The following FAM20A variants were observed in gnomAD, a reference collection of about 807,000 sequenced individuals.
FAM20A encodes FAM20A golgi associated secretory pathway pseudokinase.
In FAM20A, 42 loss-of-function variants were observed where a neutral mutation model predicts 52.0. The observed-to-expected ratio is 0.81, with a 90% CI of 0.63 to 1.04. The LOEUF (loss-of-function observed/expected upper bound fraction) is 1.04, where lower values mean the gene tolerates loss of function less well. FAM20A is among the 50% of genes least tolerant of loss of function. The probability of loss-of-function intolerance (pLI) is 0.00; values close to 1 mark genes in which losing one functional copy is unlikely to be tolerated. For synonymous variants in FAM20A, 304 were observed against 298.9 expected (o/e 1.02, Z -0.18); for missense variants, 742 against 712.7 (o/e 1.04, Z -0.47).
chr17:68,543,803 A>G, intron 4 of FAM20A, 82 bp from the exon 5 acceptor site: 1 of 1,235,946 alleles, frequency 8.1e-7, no homozygotes, highest in Non-Finnish European at 1.2e-6. Context: ...ATGACCAGCG[A>G]GAAAGGAAAA....
At position 68,600,486 on chromosome 17, in the gene FAM20A, C is replaced by G; in HGVS notation, c.181G>C (p.Ala61Pro). The G allele has an allele frequency of 6.3e-7, 1 of 1,599,448 alleles. No individual in the cohort carries two copies. Among genetic ancestry groups the G allele is most frequent in the Non-Finnish European group, 8.5e-7 (1 of 1,173,560 alleles). Residue 61 changes from alanine to proline, a missense_variant, in exon 1 of 11, where the codon GCC (alanine) becomes CCC (proline). By Grantham distance (27) the Ala-to-Pro change is conservative. Coordinates refer to ENST00000592554, the MANE Select transcript of FAM20A (RefSeq NM_017565.4). The surrounding 1 kb of genome is among the most constrained non-coding windows in gnomAD (Gnocchi z 6.2). ...TGCACGATCGTGCCGGGGTCCGAGG[C>G]AGCTGCGGCCGAGTCCCGCGCCAGG... The part of the protein sequence containing the change: ...SSLARDSAAA[A>P]SDPGTIVHNF...
intron 1 of FAM20A, among the ~76,000 whole-genome samples, chr17:68,588,561 C>A (rs779760005): frequency 6.6e-6 from 1 of 152,244 alleles, no homozygotes; most frequent in Non-Finnish European, 1.5e-5. Context: ...GTGGTGTCAG[C>A]AGGGTTGATT....
rs1241228516 is a variant in FAM20A at position 68,536,189 on chromosome 17, A to G, written c.*1288T>C. 1 of 454,066 alleles carries G rather than the reference A, an allele frequency of 2.2e-6. No individual in the cohort carries two copies. The highest frequency in any genetic ancestry group is 4.4e-6 in the Non-Finnish European group (1 of 226,782). The allele number at this position is 454,066 out of a possible 1,614,324, so 28.1% of individuals were successfully genotyped here. On this transcript the variant is annotated 3_prime_UTR_variant, in exon 11 of 11. Transcript: ENST00000592554. Reference sequence around the variant, plus strand: ...TGCTCACACTGCAGAAAGCTTGGAGACATTTCTGGTTCTTGACCTTGTACT... The same window carrying G: ...TGCTCACACTGCAGAAAGCTTGGAGGCATTTCTGGTTCTTGACCTTGTACT...
At position 68,551,724 on chromosome 17, in the gene FAM20A, T is replaced by TATTATTATTATTATTATC. The variant is rs34614921; in HGVS notation, c.719+148_719+149insGATAATAATAATAATAAT. 1.1e-3 allele frequency: 319 copies of TATTATTATTATTATTATC among 293,748 alleles called. 4 individuals carry two copies. The highest frequency in any genetic ancestry group is 3.6e-3 in the Middle Eastern group (4 of 1,100). The allele number at this position is 293,748 out of a possible 1,614,324, so 18.2% of individuals were successfully genotyped here. A position where few individuals can be genotyped will look rare whatever the true frequency, so the allele number is the denominator to read the frequency against. On this transcript the variant is annotated intron_variant, in intron 4 of 10. Coordinates refer to ENST00000592554, the MANE Select transcript of FAM20A (RefSeq NM_017565.4). ...TTATTATTATTATTATTATTATTATTATCACCCCAAACAGTTCTGTGCTTG... is the reference window on the plus strand; with the variant it reads ...TTATTATTATTATTATTATTATTATTATTATTATTATTATTATCATCACCCCAAACAGTTCTGTGCTTG...
intron 1 of FAM20A, among the ~76,000 whole-genome samples, chr17:68,583,764 G>A (rs576520999): frequency 7.9e-5 from 12 of 152,234 alleles, no homozygotes; most frequent in African/African-American, 2.9e-4. Flanking sequence ...TTAGCCGGGC[G>A]TGGTGGTGCG....
chr17:68,552,933 G>A (rs1452979006), intron 3 of FAM20A, among the ~76,000 whole-genome samples: 6 of 107,108 alleles, frequency 5.6e-5, no homozygotes, highest in African/African-American at 6.5e-5. Flanking sequence ...CACCCGCCTC[G>A]GCCTCCCAAA....
rs756686151 is a variant in FAM20A, at chr17:68,537,069, A to T, written c.*408T>A. The T allele has an allele frequency of 2.2e-6, 1 of 458,776 alleles. No homozygotes were observed. Among genetic ancestry groups the T allele is most frequent in the South Asian group, 1.6e-5 (1 of 64,516 alleles). 28.4% of individuals were successfully genotyped at this position (458,776 alleles called of 1,614,324 possible). A position where few individuals can be genotyped will look rare whatever the true frequency, so the allele number is the denominator to read the frequency against. On this transcript the variant is annotated 3_prime_UTR_variant, in exon 11 of 11. Coordinates refer to ENST00000592554, the MANE Select transcript of FAM20A (RefSeq NM_017565.4). This position sits in a 1 kb window ranked among gnomAD's most constrained non-coding sequence, Gnocchi z 4.2. ...GTGATAGGCCAGGTGTTTTGTCTGG[A>T]CCAGGAGTTATCTTTGACTTGTAGC... is the stretch of plus-strand genomic sequence containing the variant.
chr17:68,541,011 G>A (rs769408961), intron 7 of FAM20A, 53 bp from the exon 8 acceptor site: 17 of 1,549,228 alleles, frequency 1.1e-5, no homozygotes, highest in South Asian at 5.9e-5. Context: ...GCAGGGTGTC[G>A]GGGGTCTCCC....
chr17:68,554,075 C>CATAT (rs2086981089), intron 3 of FAM20A, among the ~76,000 whole-genome samples: 8 of 148,156 alleles, frequency 5.4e-5, no homozygotes, highest in African/African-American at 1.8e-4. Flanking sequence ...CACATATACA[C>CATAT]ACATATATAC....
At position 68,535,855 on chromosome 17, in the gene FAM20A, A is replaced by G; in HGVS notation, c.*1622T>C. ...TTTGACTTCATAAATTGGGTGGGAT[A>G]CTGTTGGGTTTTGTGTTACAGTGAA... On this transcript the variant is annotated 3_prime_UTR_variant, in exon 11 of 11. Coordinates refer to ENST00000592554, the MANE Select transcript of FAM20A (RefSeq NM_017565.4). The G allele has an allele frequency of 8.8e-6, 4 of 453,844 alleles. No individual in the cohort carries two copies. Among genetic ancestry groups the G allele is most frequent in the South Asian group, 6.2e-5 (4 of 64,456 alleles). The allele number at this position is 453,844 out of a possible 1,614,324, so 28.1% of individuals were successfully genotyped here. A position where few individuals can be genotyped will look rare whatever the true frequency, so the allele number is the denominator to read the frequency against.
At chr17:68,553,895 TATATGCATATATACATATATACACACATA>T (rs2086954820) in intron 3 of FAM20A, among the ~76,000 whole-genome samples, 2 of 131,986 alleles carry the variant, frequency 1.5e-5, no homozygotes, top group Admixed American at 1.5e-4. Flanking sequence ...TATATACACA[TATATGCATATATACATATATACACACATA>T]TATGCATATA....
Position 68,600,134 on chromosome 17 carries a change from C to A in FAM20A, c.404+129G>T. 1 of 1,123,962 alleles carries A rather than the reference C, an allele frequency of 8.9e-7. No homozygotes were observed. The highest frequency in any genetic ancestry group is 1.2e-6 in the Non-Finnish European group (1 of 808,260). The allele number at this position is 1,123,962 out of a possible 1,614,324, so 69.6% of individuals were successfully genotyped here. A position where few individuals can be genotyped will look rare whatever the true frequency, so the allele number is the denominator to read the frequency against. On this transcript the variant is annotated intron_variant, in intron 1 of 10. Coordinates refer to ENST00000592554, the MANE Select transcript of FAM20A (RefSeq NM_017565.4). The surrounding 1 kb of genome is among the most constrained non-coding windows in gnomAD (Gnocchi z 6.2). ...GGTGGGGAACACACTCTAAGCCCAG[C>A]GCCAGGGCTGGAGCCGTGGGTGGAG...
intron 4 of FAM20A, among the ~76,000 whole-genome samples, chr17:68,547,354 C>G (rs555398007): frequency 6.6e-6 from 1 of 152,066 alleles, no homozygotes; most frequent in African/African-American, 2.4e-5. Flanking sequence ...CATGTGTGTT[C>G]TTTGAATCTT....
At chr17:68,549,687 G>A (rs182011813) in intron 4 of FAM20A, among the ~76,000 whole-genome samples, 68 of 152,198 alleles carry the variant, frequency 4.5e-4, no homozygotes, top group African/African-American at 1.5e-3. Flanking sequence ...TGTCTTTTGA[G>A]TATATATTAT....
At chr17:68,544,625 C>CA (rs2086464037) in intron 4 of FAM20A, among the ~76,000 whole-genome samples, 1 of 152,038 alleles carries the variant, frequency 6.6e-6, no homozygotes, top group Admixed American at 6.5e-5. Context: ...TGCATTTTGC[C>CA]AAAAAACACG....
chr17:68,552,328 T>C (rs1401341254), intron 3 of FAM20A, among the ~76,000 whole-genome samples: 1 of 152,202 alleles, frequency 6.6e-6, no homozygotes, highest in Non-Finnish European at 1.5e-5. Context: ...GAAGAATGTT[T>C]TCCTAAGAAG....
chr17:68,600,858 C>G lies in FAM20A; in HGVS notation c.-192G>C. ...CTCCTCAACTTGGGGACCAGGTGCACGGAGCACCGGGGCTCTCGGAGTCAG... is the reference window on the plus strand; with the variant it reads ...CTCCTCAACTTGGGGACCAGGTGCAGGGAGCACCGGGGCTCTCGGAGTCAG... On this transcript the variant is annotated 5_prime_UTR_variant, in exon 1 of 11. Coordinates refer to ENST00000592554, the MANE Select transcript of FAM20A (RefSeq NM_017565.4). This position sits in a 1 kb window ranked among gnomAD's most constrained non-coding sequence, Gnocchi z 6.2. 1 of 565,534 alleles carries G rather than the reference C, an allele frequency of 1.8e-6. No homozygotes were observed. The highest frequency in any genetic ancestry group is 3.0e-6 in the Non-Finnish European group (1 of 333,206). The allele number at this position is 565,534 out of a possible 1,614,324, so 35.0% of individuals were successfully genotyped here.
chr17:68,550,517 A>C (rs1460896231), intron 4 of FAM20A, among the ~76,000 whole-genome samples: 5 of 151,758 alleles, frequency 3.3e-5, no homozygotes, highest in African/African-American at 4.8e-5. Flanking sequence ...AGTAGCTGGG[A>C]CTGCATACAC....
chr17:68,579,013 C>CAAA (rs377749546), intron 1 of FAM20A, among the ~76,000 whole-genome samples: 269 of 103,388 alleles, frequency 2.6e-3, no homozygotes, highest in South Asian at 7.9e-3. Flanking sequence ...GACTCTGTTT[C>CAAA]AAAAAAAAAA....
Sources: allele counts gnomAD v4.1 joint callset (sites outside exome capture counted in the v4.1 genomes callset), GRCh38; gene constraint gnomAD v4.1.1; non-coding constraint Gnocchi (gnomAD v3.1); transcripts MANE v1.5; gene names NCBI Gene and HGNC (gene_info 2026-07-23, HGNC 2026-07-21).